The following PACS2 variants were observed in gnomAD, a reference collection of about 807,000 sequenced individuals.
PACS2 encodes PACS1-like protein.
PACS2 carries 36 observed loss-of-function variants against 113.0 expected under a neutral mutation model. The ratio of observed to expected loss-of-function variants is 0.32; its 90% confidence interval spans 0.24 to 0.42. PACS2 has a LOEUF of 0.42. Ranked by LOEUF, PACS2 falls within the 10% of genes least tolerant of loss-of-function variation. PACS2 has a pLI of 1.00. For synonymous variants in PACS2, 589 were observed against 536.1 expected (o/e 1.10, Z -1.36); for missense variants, 1,015 against 1,239.5 (o/e 0.82, Z 2.72).
intron 1 of PACS2, among the ~76,000 whole-genome samples, chr14:105,341,830 G>A (rs1250132765): frequency 6.6e-6 from 1 of 152,212 alleles, no homozygotes; most frequent in Non-Finnish European, 1.5e-5. Context: ...GAGAGGGGCA[G>A]CCACGTTCCC....
chr14:105,325,670 G>C (rs1229057617), intron 1 of PACS2, among the ~76,000 whole-genome samples: 2 of 152,210 alleles, frequency 1.3e-5, no homozygotes, highest in Non-Finnish European at 1.5e-5. Flanking sequence ...CTTTCATCTT[G>C]GGGAGATGGC....
chr14:105,355,273 A>G lies in PACS2; in HGVS notation c.423+96A>G, dbSNP rs587593663. The G allele has an allele frequency of 7.2e-7, 1 of 1,379,428 alleles. No individual in the cohort carries two copies. The highest frequency in any genetic ancestry group is 1.4e-5 in the South Asian group (1 of 72,884). The allele number at this position is 1,379,428 out of a possible 1,614,324, so 85.4% of individuals were successfully genotyped here. A position where few individuals can be genotyped will look rare whatever the true frequency, so the allele number is the denominator to read the frequency against. The stretch of plus-strand genomic sequence containing the variant: ...ATGGAGATGTCTCTCCCGGGTCCAG[A>G]TGTCCAGGGATCAGGTGAAAATGAT... On this transcript the variant is annotated intron_variant, in intron 4 of 24. Coordinates refer to ENST00000447393, the MANE Select transcript of PACS2 (RefSeq NM_001100913.3). The surrounding 1 kb of genome is among the most constrained non-coding windows in gnomAD (Gnocchi z 4.1).
In PACS2 at chr14:105,369,911, C is replaced by G. The variant is rs371774004; in HGVS notation, c.801+11C>G. 4.5e-5 allele frequency: 72 copies of G among 1,597,256 alleles called. No homozygotes were observed. In the Admixed American group the frequency reaches 4.5e-4, roughly 10 times the overall value. ...AAAGTGTCCGACGAGGTGAGTGCGC[C>G]GCGCCTTCTGCTCGCGGCCCCCACG... On this transcript the variant is annotated intron_variant, in intron 8 of 24. Coordinates refer to ENST00000447393, the MANE Select transcript of PACS2 (RefSeq NM_001100913.3).
In PACS2 at chr14:105,358,249, G is replaced by A. The variant is rs1290036672; in HGVS notation, c.423+3072G>A. On this transcript the variant is annotated intron_variant, in intron 4 of 24. Coordinates refer to ENST00000447393, the MANE Select transcript of PACS2 (RefSeq NM_001100913.3). This position sits in a 1 kb window ranked among gnomAD's most constrained non-coding sequence, Gnocchi z 4.9. ...TCATGGGTGCCAGGAGCTGGACGCC[G>A]GCGTGGGGTGGCTTAGGTCTGCAGG... is the stretch of plus-strand genomic sequence containing the variant. Among the ~76,000 whole-genome samples the A allele has an allele frequency of 2.6e-5, 4 of 152,198 alleles. No individual in the cohort carries two copies. The highest frequency in any genetic ancestry group is 1.3e-4 in the Admixed American group (2 of 15,290).
rs916848842 is a variant in PACS2 at position 105,324,489 on chromosome 14, G to A, written c.119+9452G>A. Among the ~76,000 whole-genome samples the A allele has an allele frequency of 3.3e-5, 5 of 152,196 alleles. No homozygotes were observed. Among genetic ancestry groups the A allele is most frequent in the Non-Finnish European group, 4.4e-5 (3 of 68,026 alleles). Reference sequence around the variant, plus strand: ...CTGAGGCCTGTGAGCTGCTGGCCCCGCAGGGTGGCTGGGCCTGGCTGGCTC... The same window carrying A: ...CTGAGGCCTGTGAGCTGCTGGCCCCACAGGGTGGCTGGGCCTGGCTGGCTC... On this transcript the variant is annotated intron_variant, in intron 1 of 24. Coordinates refer to ENST00000447393, the MANE Select transcript of PACS2 (RefSeq NM_001100913.3). The surrounding 1 kb of genome is among the most constrained non-coding windows in gnomAD (Gnocchi z 4.7).
At chr14:105,392,081 G>A in intron 22 of PACS2, 1 of 425,554 alleles carries the variant, frequency 2.3e-6, no homozygotes, top group Non-Finnish European at 4.2e-6. Context: ...AGGTGCAAGA[G>A]ACGTGAGTCT....
In PACS2 at chr14:105,355,640, C is replaced by T. The variant is rs143489638; in HGVS notation, c.423+463C>T. Among the ~76,000 whole-genome samples the T allele has an allele frequency of 3.3e-5, 5 of 152,352 alleles. No individual in the cohort carries two copies. Among genetic ancestry groups the T allele is most frequent in the Non-Finnish European group, 7.3e-5 (5 of 68,030 alleles). On this transcript the variant is annotated intron_variant, in intron 4 of 24. Transcript: ENST00000447393. This position sits in a 1 kb window ranked among gnomAD's most constrained non-coding sequence, Gnocchi z 4.1. ...CTGTGAAGGGGCTAGCGACAATACC[C>T]GAGCAGGGCGGGGGCAGCACCCAGA...
chr14:105,305,717 CA>C (rs2058168012), intron 1 of PACS2, among the ~76,000 whole-genome samples: 1 of 152,174 alleles, frequency 6.6e-6, no homozygotes, highest in African/African-American at 2.4e-5. Context: ...TTAGGTGCCC[CA>C]TGCTGCAAGC....
chr14:105,314,910 G>A lies in PACS2; in HGVS notation c.-9G>A. On this transcript the variant is annotated 5_prime_UTR_variant, in exon 1 of 25. Coordinates refer to ENST00000447393, the MANE Select transcript of PACS2 (RefSeq NM_001100913.3). ...CCCAGGCCGCCGAGGGAGCGGCGGG[G>A]CCGGCGCCATGGCCGAGCGAGGCCG... 1 of 1,006,658 alleles carries A rather than the reference G, an allele frequency of 9.9e-7. No individual in the cohort carries two copies. 62.4% of individuals were successfully genotyped at this position (1,006,658 alleles called of 1,614,324 possible).
intron 2 of PACS2, among the ~76,000 whole-genome samples, chr14:105,350,909 C>T (rs1351454916): frequency 1.3e-5 from 2 of 152,172 alleles, no homozygotes; most frequent in Non-Finnish European, 1.5e-5. Context: ...CGAGGAGAGC[C>T]GCGCTGCCTC....
chr14:105,368,845 T>G lies in PACS2; in HGVS notation c.741+306T>G, dbSNP rs939508982. On this transcript the variant is annotated intron_variant, in intron 7 of 24. Transcript: ENST00000447393. ...AGAAACTCCGGGAGGCCATCCTCCC[T>G]TTTGTCCCGTCAGGTGCCCACATAC... 1.1e-4 allele frequency among the ~76,000 whole-genome samples: 17 copies of G among 152,346 alleles called. No individual in the cohort carries two copies. The Middle Eastern group carries it at 0.01, about 91-fold the overall frequency.
intron 11 of PACS2, among the ~76,000 whole-genome samples, chr14:105,380,410 C>T (rs587611091): frequency 3.8e-4 from 57 of 151,450 alleles, no homozygotes; most frequent in Non-Finnish European, 7.2e-4. Flanking sequence ...TCCCCCCACC[C>T]GCAGGGTCCG....
intron 1 of PACS2, among the ~76,000 whole-genome samples, chr14:105,305,351 G>C (rs2058156026): frequency 6.6e-6 from 1 of 152,044 alleles, no homozygotes; most frequent in African/African-American, 2.4e-5. Flanking sequence ...GCAGTGAGCT[G>C]AGATCACACC....
At chr14:105,392,350 T>TCCC in intron 22 of PACS2, 1 of 512,506 alleles carries the variant, frequency 2.0e-6, no homozygotes, top group Non-Finnish European at 3.5e-6. Flanking sequence ...CCCTCACGAC[T>TCCC]CCAAGGGGCA....
upstream of PACS2, among the ~76,000 whole-genome samples, chr14:105,312,890 A>T (rs767451096): frequency 2.6e-5 from 4 of 152,176 alleles, no homozygotes; most frequent in Non-Finnish European, 5.9e-5. Flanking sequence ...GACCCACCAT[A>T]CGGGTTCTTC....
At position 105,314,840 on chromosome 14, in the gene PACS2, C is replaced by T. The variant is rs2058494023; in HGVS notation, c.-79C>T. On this transcript the variant is annotated 5_prime_UTR_variant, in exon 1 of 25. Transcript: ENST00000447393. ...GCCATGTGACCGCGCCGCCGCCCTCCGCGCGCCCGGCCCGCCCGCCGCGCG... is the reference window on the plus strand; with the variant it reads ...GCCATGTGACCGCGCCGCCGCCCTCTGCGCGCCCGGCCCGCCCGCCGCGCG... 7.0e-6 allele frequency: 4 copies of T among 570,640 alleles called. No homozygotes were observed. Among genetic ancestry groups the T allele is most frequent in the Non-Finnish European group, 8.8e-6 (4 of 455,136 alleles). The allele number at this position is 570,640 out of a possible 1,614,324, so 35.3% of individuals were successfully genotyped here.
chr14:105,337,278 C>T (rs977618554), intron 1 of PACS2, among the ~76,000 whole-genome samples: 3 of 151,904 alleles, frequency 2.0e-5, no homozygotes, highest in South Asian at 2.1e-4. Context: ...TGCCAGGGGC[C>T]GGGGAAGGTG....
In PACS2 at chr14:105,382,598, T is replaced by C. The variant is rs1555412336; in HGVS notation, c.1518+17T>C. The C allele has an allele frequency of 6.8e-7, 1 of 1,479,848 alleles. No individual in the cohort carries two copies. The highest frequency in any genetic ancestry group is 9.4e-7 in the Non-Finnish European group (1 of 1,059,156). 91.7% of individuals were successfully genotyped at this position (1,479,848 alleles called of 1,614,324 possible). A position where few individuals can be genotyped will look rare whatever the true frequency, so the allele number is the denominator to read the frequency against. The stretch of plus-strand genomic sequence containing the variant: ...CAGGGGCAGGTAGAGGGGCAGTCTC[T>C]TGGAGTGGAGGGTCAGGGTGTAGGA... On this transcript the variant is annotated intron_variant, in intron 14 of 24. Transcript: ENST00000447393.
intron 24 of PACS2, chr14:105,394,303 G>A (rs1555415924): frequency 6.1e-6 from 6 of 985,220 alleles, no homozygotes; most frequent in Middle Eastern, 5.2e-4. Flanking sequence ...GGCAGCCCTG[G>A]GGGAAATGCT....
Sources: gnomAD v4.1 joint callset for allele counts (sites outside exome capture counted in the v4.1 genomes callset) on GRCh38, gnomAD v4.1.1 for gene constraint, Gnocchi (gnomAD v3.1) non-coding constraint, MANE v1.5 for transcripts, NCBI Gene and HGNC (gene_info 2026-07-23, HGNC 2026-07-21) for gene names.